The following TMCC1 variants were observed in gnomAD, a reference collection of about 807,000 sequenced individuals.
TMCC1 encodes transmembrane and coiled-coil domains protein 1.
A neutral mutation model predicts 52.4 loss-of-function variants in TMCC1; 15 were observed. The ratio of observed to expected loss-of-function variants is 0.29; its 90% confidence interval spans 0.19 to 0.44. The LOEUF is 0.44. Among genes scored for constraint, TMCC1 ranks in the 20% least tolerant of loss-of-function variants. The pLI, the probability that TMCC1 is intolerant of heterozygous loss-of-function variation, is 1.00. For synonymous variants in TMCC1, 279 were observed against 301.9 expected (o/e 0.92, Z 0.79); for missense variants, 503 against 806.0 (o/e 0.62, Z 4.55).
At chr3:129,747,541 T>C (rs1379113022) in intron 4 of TMCC1, among the ~76,000 whole-genome samples, 1 of 152,186 alleles carries the variant, frequency 6.6e-6, no homozygotes, top group Non-Finnish European at 1.5e-5. Flanking sequence ...GTAGTTTTCT[T>C]CCTTTCCATA....
chr3:129,876,266 C>A (rs1416489987), intron 2 of TMCC1, among the ~76,000 whole-genome samples: 1 of 149,660 alleles, frequency 6.7e-6, no homozygotes, highest in East Asian at 1.9e-4. Flanking sequence ...GTGATTTGAA[C>A]CCAGGTTTAA....
intron 5 of TMCC1, 52 bp from the exon 6 acceptor site, chr3:129,655,155 C>G (rs192319075): frequency 9.4e-6 from 15 of 1,590,912 alleles, no homozygotes; most frequent in Non-Finnish European, 8.6e-7. Context: ...AATATCTTTC[C>G]TGGCATTATT....
chr3:129,706,647 A>G (rs1008280985), intron 4 of TMCC1, among the ~76,000 whole-genome samples: 2 of 152,242 alleles, frequency 1.3e-5, no homozygotes, highest in Non-Finnish European at 2.9e-5. Context: ...ACATTAACAC[A>G]GGAAACTCCT....
intron 6 of TMCC1, among the ~76,000 whole-genome samples, chr3:129,653,203 T>C (rs2086451781): frequency 6.6e-6 from 1 of 152,266 alleles, no homozygotes; most frequent in Non-Finnish European, 1.5e-5. Flanking sequence ...ATGCAGCTAG[T>C]TCCCCCTTGG....
intron 4 of TMCC1, among the ~76,000 whole-genome samples, chr3:129,814,837 T>C (rs1255171327): frequency 6.6e-6 from 1 of 152,156 alleles, no homozygotes. Context: ...AACTGGTTAA[T>C]TCAGGAAGCC....
At chr3:129,824,125 C>T (rs900671261) in intron 4 of TMCC1, among the ~76,000 whole-genome samples, 5 of 152,152 alleles carry the variant, frequency 3.3e-5, no homozygotes, top group African/African-American at 4.8e-5. Context: ...CACTTGAGGT[C>T]AGGAGTTTGA....
intron 2 of TMCC1, among the ~76,000 whole-genome samples, chr3:129,856,124 C>T (rs76073875): frequency 0.014 from 2,179 of 152,200 alleles, 28 homozygotes; most frequent in Non-Finnish European, 0.02. Flanking sequence ...TGCAACTTTC[C>T]GTGAATCTAC....
chr3:129,753,610 T>C (rs2052726359), intron 4 of TMCC1, among the ~76,000 whole-genome samples: 1 of 152,226 alleles, frequency 6.6e-6, no homozygotes, highest in African/African-American at 2.4e-5. Flanking sequence ...CCAGATGTTA[T>C]ATCAATAGAT....
chr3:129,743,932 G>T (rs1310673717), intron 4 of TMCC1, among the ~76,000 whole-genome samples: 3 of 147,768 alleles, frequency 2.0e-5, no homozygotes, highest in African/African-American at 5.0e-5. Context: ...AAGTGCACTT[G>T]TTTAAAAAAA....
At chr3:129,764,779 ATATATATATATTTTTTTTTTTT>A (rs1406888618) in intron 4 of TMCC1, among the ~76,000 whole-genome samples, 134 of 67,954 alleles carry the variant, frequency 2.0e-3, no homozygotes, top group African/African-American at 9.0e-3. Context: ...ATATATATAT[ATATATATATATTTTTTTTTTTT>A]TTTTTTTTTT....
At chr3:129,811,136 T>G (rs1364874632) in intron 4 of TMCC1, among the ~76,000 whole-genome samples, 1 of 152,196 alleles carries the variant, frequency 6.6e-6, no homozygotes, top group African/African-American at 2.4e-5. Flanking sequence ...CCTCAGAGCA[T>G]CCACATGGGG....
At chr3:129,728,573 C>T (rs1437719934) in intron 4 of TMCC1, among the ~76,000 whole-genome samples, 1 of 152,138 alleles carries the variant, frequency 6.6e-6, no homozygotes, top group Non-Finnish European at 1.5e-5. Flanking sequence ...TGTGAGCCAC[C>T]GTGCCCAGCA....
intron 4 of TMCC1, among the ~76,000 whole-genome samples, chr3:129,814,443 C>T (rs1051180894): frequency 6.6e-6 from 1 of 151,946 alleles, no homozygotes. Context: ...AACATACTAC[C>T]AGAGAAAATC....
At chr3:129,666,733 T>A (rs2087486948) in intron 5 of TMCC1, among the ~76,000 whole-genome samples, 1 of 150,556 alleles carries the variant, frequency 6.6e-6, no homozygotes, top group Non-Finnish European at 1.5e-5. Flanking sequence ...AGAGTGAAAC[T>A]CTGTCTCCAA....
intron 1 of TMCC1, among the ~76,000 whole-genome samples, chr3:129,883,462 A>G (rs1322381438): frequency 2.6e-5 from 4 of 152,076 alleles, no homozygotes; most frequent in Non-Finnish European, 5.9e-5. Context: ...AAAACTGTAA[A>G]AATTTGCCAG....
intron 5 of TMCC1, among the ~76,000 whole-genome samples, chr3:129,669,533 C>T (rs908520343): frequency 2.0e-5 from 3 of 151,788 alleles, no homozygotes; most frequent in African/African-American, 7.3e-5. Context: ...CTCCTGGGTT[C>T]AAGCGACTCT....
intron 4 of TMCC1, among the ~76,000 whole-genome samples, chr3:129,720,181 C>CAAAAAAAAAAAAAA (rs765678095): frequency 6.8e-5 from 4 of 58,708 alleles, no homozygotes; most frequent in African/African-American, 2.5e-4. Context: ...GACCCTGTCT[C>CAAAAAAAAAAAAAA]AAAAAAAAAA....
chr3:129,690,046 T>C (rs1254272827), intron 4 of TMCC1, among the ~76,000 whole-genome samples: 1 of 152,190 alleles, frequency 6.6e-6, no homozygotes, highest in Non-Finnish European at 1.5e-5. Context: ...AAACCACAAA[T>C]GAGCAGAAAA....
intron 4 of TMCC1, among the ~76,000 whole-genome samples, chr3:129,671,540 C>G (rs931181258): frequency 6.6e-6 from 1 of 152,188 alleles, no homozygotes; most frequent in Admixed American, 6.5e-5. Context: ...TTTCTTCACA[C>G]AATAACACTC....
Sources: gnomAD v4.1 joint callset for allele counts (sites outside exome capture counted in the v4.1 genomes callset) on GRCh38, gnomAD v4.1.1 for gene constraint, MANE v1.5 for transcripts, NCBI Gene and HGNC (gene_info 2026-07-23, HGNC 2026-07-21) for gene names.